CNOT6L: variants seen among roughly 807,000 people sequenced by gnomAD.
CNOT6L encodes CCR4-NOT transcription complex subunit 6-like.
A neutral mutation model predicts 64.0 loss-of-function variants in CNOT6L; 7 were observed. That is an observed-to-expected ratio of 0.11 (90% CI 0.06 to 0.21). The LOEUF is 0.21. CNOT6L is among the 10% of genes least tolerant of loss of function. The pLI is 1.00. For missense variants in CNOT6L, 245 were observed against 669.0 expected (o/e 0.37, Z 6.99); for synonymous variants, 193 against 243.4 (o/e 0.79, Z 1.93).
intron 1 of CNOT6L, among the ~76,000 whole-genome samples, chr4:77,788,947 G>A (rs1729775067): frequency 6.6e-6 from 1 of 152,068 alleles, no homozygotes; most frequent in Non-Finnish European, 1.5e-5. Context: ...CTATATGGCA[G>A]TACAAGTCTC....
intron 6 of CNOT6L, 78 bp from the exon 7 acceptor site, chr4:77,744,953 C>A: frequency 8.5e-7 from 1 of 1,178,160 alleles, no homozygotes; most frequent in Non-Finnish European, 1.2e-6. Flanking sequence ...CATGTGTACA[C>A]CTGCACAAGC....
intron 1 of CNOT6L, among the ~76,000 whole-genome samples, chr4:77,776,882 A>G (rs1728206077): frequency 6.6e-6 from 1 of 152,210 alleles, no homozygotes; most frequent in South Asian, 2.1e-4. Context: ...TTATAGGAGA[A>G]GCAGGCTTCT....
In CNOT6L at chr4:77,742,025, T is replaced by C. The variant is rs1723654727; in HGVS notation, c.872+116A>G. 7.8e-6 allele frequency: 7 copies of C among 897,802 alleles called. No individual in the cohort carries two copies. The Middle Eastern group carries it at 6.7e-4, about 86-fold the overall frequency. The allele number at this position is 897,802 out of a possible 1,614,324, so 55.6% of individuals were successfully genotyped here. A position where few individuals can be genotyped will look rare whatever the true frequency, so the allele number is the denominator to read the frequency against. On this transcript the variant is annotated intron_variant, in intron 8 of 11. Coordinates refer to ENST00000504123, the MANE Select transcript of CNOT6L (RefSeq NM_144571.3). ...ACATTAACAACAGTTTTAAGTTGCA[T>C]AATACTTGTTTTCTAGCTTTCTGTT...
intron 2 of CNOT6L, among the ~76,000 whole-genome samples, chr4:77,775,589 T>G (rs973220502): frequency 6.6e-6 from 1 of 152,162 alleles, no homozygotes; most frequent in Non-Finnish European, 1.5e-5. Context: ...CTAATTAAAC[T>G]CTAGACTTTA....
In CNOT6L at chr4:77,720,192, G is replaced by A; in HGVS notation, c.*239C>T. ...CTGGCTGTTAATACAATATAAAGAA[G>A]GTCCAATTTAAAAACATGTTAAATT... On this transcript the variant is annotated 3_prime_UTR_variant, in exon 12 of 12. Coordinates refer to ENST00000504123, the MANE Select transcript of CNOT6L (RefSeq NM_144571.3). The A allele has an allele frequency of 2.4e-6, 1 of 414,624 alleles. No individual in the cohort carries two copies. Among genetic ancestry groups the A allele is most frequent in the Non-Finnish European group, 4.3e-6 (1 of 230,030 alleles). 25.7% of individuals were successfully genotyped at this position (414,624 alleles called of 1,614,324 possible). A position where few individuals can be genotyped will look rare whatever the true frequency, so the allele number is the denominator to read the frequency against.
At chr4:77,797,243 A>C (rs1029018069) in intron 1 of CNOT6L, among the ~76,000 whole-genome samples, 1 of 151,852 alleles carries the variant, frequency 6.6e-6, no homozygotes, top group Non-Finnish European at 1.5e-5. Context: ...TAAAAAAAAA[A>C]CAAAAACACA....
chr4:77,750,420 C>G (rs1724728890), intron 5 of CNOT6L, among the ~76,000 whole-genome samples: 1 of 152,092 alleles, frequency 6.6e-6, no homozygotes, highest in Non-Finnish European at 1.5e-5. Context: ...GGCGCCATCT[C>G]AGCTCACTGC....
intron 4 of CNOT6L, among the ~76,000 whole-genome samples, chr4:77,767,114 T>TAA (rs11392956): frequency 1.0e-3 from 122 of 121,988 alleles, no homozygotes; most frequent in South Asian, 2.3e-3. Flanking sequence ...TGGTTTACAA[T>TAA]AAAAAAAAAA....
At position 77,814,047 on chromosome 4, in the gene CNOT6L, C is replaced by T. The variant is rs551922576; in HGVS notation, c.5+5257G>A. The stretch of plus-strand genomic sequence containing the variant: ...TGTATTCTTATGCTGACATACTATT[C>T]AGCCATTACAAGAATGAAATACTTG... On this transcript the variant is annotated intron_variant, in intron 1 of 11. Transcript: ENST00000504123. Among the ~76,000 whole-genome samples, 45 of 152,118 alleles carry T rather than the reference C, an allele frequency of 3.0e-4. 1 individual carries two copies. Among genetic ancestry groups the T allele is most frequent in the South Asian group, 6.2e-4 (3 of 4,830 alleles).
intron 1 of CNOT6L, among the ~76,000 whole-genome samples, chr4:77,801,167 G>C (rs1490347773): frequency 6.6e-6 from 1 of 152,132 alleles, no homozygotes; most frequent in Non-Finnish European, 1.5e-5. Flanking sequence ...CTGACCCTAC[G>C]TGAAAGCAAA....
chr4:77,796,712 C>T (rs1422286683), intron 1 of CNOT6L, among the ~76,000 whole-genome samples: 2 of 152,120 alleles, frequency 1.3e-5, no homozygotes, highest in Non-Finnish European at 2.9e-5. Flanking sequence ...CAATAAGGTA[C>T]TGACAAAGAT....
At position 77,715,432 on chromosome 4, in the gene CNOT6L, T is replaced by C. The variant is rs185869819; in HGVS notation, c.*4999A>G. ...AGTGAAAACTATTTTACTTAAAAAA[T>C]ATTCTATTACTTCAATGTCATGTCT... On this transcript the variant is annotated 3_prime_UTR_variant, in exon 12 of 12. Transcript: ENST00000504123. The C allele has an allele frequency of 4.6e-5, 7 of 152,248 alleles. No individual in the cohort carries two copies. The highest frequency in any genetic ancestry group is 2.6e-4 in the Admixed American group (4 of 15,264). 9.4% of individuals were successfully genotyped at this position (152,248 alleles called of 1,614,324 possible).
rs146630971 is a variant in CNOT6L, at chr4:77,765,089, C to T, written c.400+7992G>A. Reference sequence around the variant, plus strand: ...GGTAAAACAGGTTGCATAAAGAAGCCGGCTGAAACCCACCAAAATCAGGAT... The same window carrying T: ...GGTAAAACAGGTTGCATAAAGAAGCTGGCTGAAACCCACCAAAATCAGGAT... On this transcript the variant is annotated intron_variant, in intron 4 of 11. Transcript: ENST00000504123. 2.0e-3 allele frequency among the ~76,000 whole-genome samples: 299 copies of T among 152,164 alleles called. 2 individuals carry two copies. The highest frequency in any genetic ancestry group is 6.8e-3 in the African/African-American group (283 of 41,508).
chr4:77,787,027 A>G (rs1340198429), intron 1 of CNOT6L, among the ~76,000 whole-genome samples: 1 of 151,826 alleles, frequency 6.6e-6, no homozygotes, highest in East Asian at 2.0e-4. Flanking sequence ...GCACTTTGGG[A>G]GGCCAAGGTG....
intron 8 of CNOT6L, 113 bp downstream of exon 8, chr4:77,742,026 AAT>A: frequency 2.2e-6 from 2 of 906,970 alleles, no homozygotes. Context: ...TAAGTTGCAT[AAT>A]ACTTGTTTTC....
At position 77,720,791 on chromosome 4, in the gene CNOT6L, G is replaced by A. The variant is rs539683742; in HGVS notation, c.1456-148C>T. On this transcript the variant is annotated intron_variant, in intron 11 of 11. Transcript: ENST00000504123. ...GTCAAATAAGGCTCAAATATTCAAT[G>A]GGTATTACATGAAATAAAGGTGGCT... The A allele has an allele frequency of 1.3e-5, 9 of 697,662 alleles. No individual in the cohort carries two copies. The African/African-American group carries it at 1.6e-4, about 13-fold the overall frequency. 43.2% of individuals were successfully genotyped at this position (697,662 alleles called of 1,614,324 possible).
At chr4:77,755,946 A>C (rs948903155) in intron 5 of CNOT6L, among the ~76,000 whole-genome samples, 2 of 152,022 alleles carry the variant, frequency 1.3e-5, no homozygotes, top group East Asian at 1.9e-4. Flanking sequence ...AAAAGTTTTA[A>C]ATCAAATACC....
chr4:77,784,705 G>T (rs1729247987), intron 1 of CNOT6L, among the ~76,000 whole-genome samples: 1 of 151,952 alleles, frequency 6.6e-6, no homozygotes, highest in Non-Finnish European at 1.5e-5. Context: ...GGCTGGTCTT[G>T]AACTCCTGGC....
intron 1 of CNOT6L, among the ~76,000 whole-genome samples, chr4:77,781,075 C>T (rs1389197568): frequency 3.3e-5 from 5 of 152,114 alleles, no homozygotes; most frequent in African/African-American, 1.2e-4. Context: ...CAAACTAACA[C>T]AGGAACAGAA....
Sources: allele counts gnomAD v4.1 joint callset (sites outside exome capture counted in the v4.1 genomes callset), GRCh38; gene constraint gnomAD v4.1.1; transcripts MANE v1.5; gene names NCBI Gene and HGNC (gene_info 2026-07-23, HGNC 2026-07-21).